Variants in LRP1B observed in about 807,000 individuals in gnomAD.
LRP1B encodes LDL receptor related protein 1B, also known as low-density lipoprotein receptor-related protein 1B.
LRP1B carries 217 observed loss-of-function variants against 556.6 expected under a neutral mutation model. The observed-to-expected ratio is 0.39, with a 90% confidence interval of 0.35 to 0.44. The LOEUF is 0.44. LRP1B is among the 20% of genes least tolerant of loss of function. LRP1B has a pLI of 1.00. For synonymous variants in LRP1B, 2,047 were observed against 1,865.8 expected (o/e 1.10, Z -2.50); for missense variants, 5,053 against 5,620.8 (o/e 0.90, Z 3.23).
chr2:141,096,238 G>A (rs1700296147), intron 7 of LRP1B, among the ~76,000 whole-genome samples: 1 of 152,070 alleles, frequency 6.6e-6, no homozygotes, highest in African/African-American at 2.4e-5. Flanking sequence ...ATCAGAGAGT[G>A]TATTTACACA....
chr2:140,995,365 G>A (rs1396798979), intron 15 of LRP1B, among the ~76,000 whole-genome samples: 1 of 152,006 alleles, frequency 6.6e-6, no homozygotes, highest in Non-Finnish European at 1.5e-5. Context: ...AACATTTTAA[G>A]TAGGGAGATG....
At chr2:140,480,601 C>T (rs1413826698) in intron 59 of LRP1B, among the ~76,000 whole-genome samples, 6 of 151,026 alleles carry the variant, frequency 4.0e-5, no homozygotes, top group African/African-American at 7.3e-5. Flanking sequence ...CCACCAAGCC[C>T]GGCTAACTTT....
chr2:141,801,090 A>G (rs1695991073), intron 2 of LRP1B, among the ~76,000 whole-genome samples: 3 of 152,318 alleles, frequency 2.0e-5, no homozygotes, highest in Admixed American at 1.3e-4. Flanking sequence ...GTCAAATTAC[A>G]TAGGCTTTAT....
At chr2:142,127,694 A>C (rs1474057806) in intron 1 of LRP1B, among the ~76,000 whole-genome samples, 1 of 151,992 alleles carries the variant, frequency 6.6e-6, no homozygotes, top group African/African-American at 2.4e-5. Flanking sequence ...GGAGATTAAA[A>C]TTTTGATATA....
At chr2:141,465,158 A>G (rs910463985) in intron 3 of LRP1B, among the ~76,000 whole-genome samples, 2 of 152,324 alleles carry the variant, frequency 1.3e-5, no homozygotes, top group East Asian at 1.9e-4. Flanking sequence ...ATGTTAAAGT[A>G]GGGTTGGCTG....
chr2:140,403,809 C>T (rs1684610811), intron 66 of LRP1B, among the ~76,000 whole-genome samples: 1 of 152,020 alleles, frequency 6.6e-6, no homozygotes, highest in African/African-American at 2.4e-5. Context: ...AAGATTGTCA[C>T]CAAGACACAT....
chr2:140,317,495 G>A (rs1684575323), intron 82 of LRP1B, among the ~76,000 whole-genome samples: 1 of 150,100 alleles, frequency 6.7e-6, no homozygotes, highest in Non-Finnish European at 1.5e-5. Context: ...GATGGGAAAT[G>A]GAGGGGTAGT....
At chr2:140,972,823 T>C (rs1471075383) in intron 18 of LRP1B, among the ~76,000 whole-genome samples, 2 of 151,632 alleles carry the variant, frequency 1.3e-5, no homozygotes, top group South Asian at 2.1e-4. Flanking sequence ...TTTCTGACAA[T>C]AATTCTAAGA....
chr2:141,375,552 A>T (rs1415929440), intron 3 of LRP1B, among the ~76,000 whole-genome samples: 1 of 152,104 alleles, frequency 6.6e-6, no homozygotes, highest in Non-Finnish European at 1.5e-5. Context: ...CCAGTCCCAC[A>T]GCTCCAGTCC....
At chr2:142,009,536 C>G (rs766472940) in intron 1 of LRP1B, among the ~76,000 whole-genome samples, 1 of 152,088 alleles carries the variant, frequency 6.6e-6, no homozygotes, top group Non-Finnish European at 1.5e-5. Flanking sequence ...ATGGGATCCT[C>G]TCACTCAATT....
intron 2 of LRP1B, among the ~76,000 whole-genome samples, chr2:141,661,761 G>T (rs1047717675): frequency 6.6e-6 from 1 of 152,130 alleles, no homozygotes; most frequent in Admixed American, 6.5e-5. Context: ...CTTACTTCAG[G>T]ATATCACCCA....
At chr2:141,502,524 A>T (rs1683756224) in intron 2 of LRP1B, among the ~76,000 whole-genome samples, 2 of 152,150 alleles carry the variant, frequency 1.3e-5, no homozygotes, top group South Asian at 4.1e-4. Flanking sequence ...CTCAAGAAAA[A>T]AATTTAGCCT....
chr2:141,315,882 C>CT lies in LRP1B; in HGVS notation c.344-61242dup, dbSNP rs70991157. The stretch of plus-strand genomic sequence containing the variant: ...GAAAATCCTCTATCTTTAGTCTGGT[C>CT]TTTTTTTTTTTTTTTTTTTTTTTTT... On this transcript the variant is annotated intron_variant, in intron 3 of 90. Transcript: ENST00000389484. Among the ~76,000 whole-genome samples the CT allele has an allele frequency of 8.5e-3, 154 of 18,138 alleles. 26 individuals carry two copies. The highest frequency in any genetic ancestry group is 0.034 in the African/African-American group (145 of 4,222). 11.9% of individuals were successfully genotyped at this position (18,138 alleles called of 152,430 possible). A position where few individuals can be genotyped will look rare whatever the true frequency, so the allele number is the denominator to read the frequency against.
rs1054841489 is a variant in LRP1B at position 141,916,665 on chromosome 2, A to G, written c.83-106264T>C. 9.1e-4 allele frequency among the ~76,000 whole-genome samples: 137 copies of G among 151,264 alleles called. 1 individual carries two copies. The Admixed American group carries it at 9.1e-3, about 10-fold the overall frequency. ...CCAAAGTGCTAGGATTACAGGCGTGAGCCACCGCGCCCGGCCCCACACCTT... is the reference window on the plus strand; with the variant it reads ...CCAAAGTGCTAGGATTACAGGCGTGGGCCACCGCGCCCGGCCCCACACCTT... On this transcript the variant is annotated intron_variant, in intron 1 of 90. Transcript: ENST00000389484.
intron 2 of LRP1B, among the ~76,000 whole-genome samples, chr2:141,665,519 G>A (rs1007681505): frequency 1.3e-5 from 2 of 152,054 alleles, no homozygotes; most frequent in South Asian, 2.1e-4. Flanking sequence ...ACAGTGTGGC[G>A]GTTCCCCAAA....
intron 2 of LRP1B, among the ~76,000 whole-genome samples, chr2:141,717,852 G>T (rs1053687253): frequency 6.6e-6 from 1 of 152,210 alleles, no homozygotes; most frequent in Non-Finnish European, 1.5e-5. Context: ...TAGTGTAAAT[G>T]ATCTTATCTT....
chr2:140,364,563 G>A, intron 72 of LRP1B, 98 bp downstream of exon 72: 2 of 1,381,136 alleles, frequency 1.4e-6, no homozygotes, highest in South Asian at 2.7e-5. Context: ...ACCCCAGGAT[G>A]GTATAATTGG....
chr2:141,479,062 T>C (rs982915794), intron 3 of LRP1B, among the ~76,000 whole-genome samples: 3 of 152,142 alleles, frequency 2.0e-5, no homozygotes, highest in African/African-American at 7.2e-5. Context: ...TCAGAATTTA[T>C]CCACAGAGTC....
intron 2 of LRP1B, among the ~76,000 whole-genome samples, chr2:141,585,489 G>T (rs186907375): frequency 7.5e-4 from 113 of 150,676 alleles, no homozygotes; most frequent in African/African-American, 2.6e-3. Context: ...GGCTGAGGAA[G>T]AATGGCCACT....
Sources: gnomAD v4.1 joint callset for allele counts (sites outside exome capture counted in the v4.1 genomes callset) on GRCh38, gnomAD v4.1.1 for gene constraint, MANE v1.5 for transcripts, NCBI Gene and HGNC (gene_info 2026-07-23, HGNC 2026-07-21) for gene names.